The following GNRHR variants were observed in gnomAD, a reference collection of about 807,000 sequenced individuals.
GNRHR encodes gonadotropin-releasing hormone receptor.
A neutral mutation model predicts 28.1 loss-of-function variants in GNRHR; 14 were observed. The ratio of observed to expected loss-of-function variants is 0.50; its 90% confidence interval spans 0.33 to 0.78. The LOEUF (loss-of-function observed/expected upper bound fraction) is 0.78. Among genes scored for constraint, GNRHR ranks in the 30% least tolerant of loss-of-function variants. The probability of loss-of-function intolerance (pLI) is 0.02; values close to 1 mark genes in which losing one functional copy is unlikely to be tolerated. For synonymous variants in GNRHR, 141 were observed against 140.5 expected, an observed-to-expected ratio of 1.00 and a Z score of -0.02; for missense variants, 366 against 382.1, an observed-to-expected ratio of 0.96 and a Z score of 0.35.
At chr4:67,744,916 T>C in intron 1 of GNRHR, 129 bp from the exon 2 acceptor site, 1 of 612,686 alleles carries the variant, frequency 1.6e-6, no homozygotes. Flanking sequence ...GTTATACTTC[T>C]GACGTTTCTA....
intron 1 of GNRHR, among the ~76,000 whole-genome samples, chr4:67,748,670 A>G (rs1731808146): frequency 6.6e-6 from 1 of 151,840 alleles, no homozygotes; most frequent in South Asian, 2.1e-4. Flanking sequence ...TACATATGTA[A>G]CAAACCTGCA....
Position 67,740,454 on chromosome 4 carries a change from A to G in GNRHR, c.*26T>C, listed in dbSNP as rs772129329. ...GAGATTCATTACCTTACCCTTCTTCATATGACTTCTTGTGTAGTCTATCAA... is the reference window on the plus strand; with the variant it reads ...GAGATTCATTACCTTACCCTTCTTCGTATGACTTCTTGTGTAGTCTATCAA... On this transcript the variant is annotated 3_prime_UTR_variant, in exon 3 of 3. Transcript: ENST00000226413. The G allele has an allele frequency of 1.3e-6, 2 of 1,541,756 alleles. No homozygotes were observed. Among genetic ancestry groups the G allele is most frequent in the Admixed American group, 1.7e-5 (1 of 59,902 alleles).
rs765394872 is a variant in GNRHR at position 67,739,133 on chromosome 4, T to C, written c.*1347A>G. On this transcript the variant is annotated 3_prime_UTR_variant, in exon 3 of 3. Coordinates refer to ENST00000226413, the MANE Select transcript of GNRHR (RefSeq NM_000406.3). Reference sequence around the variant, plus strand: ...GGCTTAATTTCTTTTAAGACTCTTATGTTTTTCACATTAAATGGGTATTAT... The same window carrying C: ...GGCTTAATTTCTTTTAAGACTCTTACGTTTTTCACATTAAATGGGTATTAT... 1.7e-4 allele frequency among the ~76,000 whole-genome samples: 26 copies of C among 152,184 alleles called. No individual in the cohort carries two copies. The highest frequency in any genetic ancestry group is 2.0e-4 in the Admixed American group (3 of 15,266).
At position 67,738,403 on chromosome 4, in the gene GNRHR, A is replaced by C. The variant is rs1731590977; in HGVS notation, c.*2077T>G. 6.6e-6 allele frequency among the ~76,000 whole-genome samples: 1 copy of C among 151,846 alleles called. No homozygotes were observed. Among genetic ancestry groups the C allele is most frequent in the African/African-American group, 2.4e-5 (1 of 41,380 alleles). On this transcript the variant is annotated 3_prime_UTR_variant, in exon 3 of 3. Transcript: ENST00000226413. ...ATATTTTTTGCATGAAATGTAGGTT[A>C]AGAACCCCTGAGTCAAGATTTCGAA...
At chr4:67,752,838 G>GT (rs1421751191) in intron 1 of GNRHR, among the ~76,000 whole-genome samples, 1 of 151,436 alleles carries the variant, frequency 6.6e-6, no homozygotes, top group Non-Finnish European at 1.5e-5. Flanking sequence ...CATCTGGTCA[G>GT]TAAAAAAAAG....
chr4:67,741,524 C>G (rs188889518), intron 2 of GNRHR, among the ~76,000 whole-genome samples: 7 of 152,166 alleles, frequency 4.6e-5, no homozygotes, highest in Admixed American at 3.9e-4. Flanking sequence ...GTGCAAGTAT[C>G]TTTTTCATAT....
intron 1 of GNRHR, among the ~76,000 whole-genome samples, chr4:67,746,693 T>C (rs1056821178): frequency 1.3e-5 from 2 of 152,006 alleles, no homozygotes; most frequent in African/African-American, 4.8e-5. Flanking sequence ...ATGATTCTTT[T>C]CTACCCTACC....
At chr4:67,742,754 A>G (rs1451076025) in intron 2 of GNRHR, among the ~76,000 whole-genome samples, 2 of 152,206 alleles carry the variant, frequency 1.3e-5, no homozygotes, top group Non-Finnish European at 2.9e-5. Flanking sequence ...AGAAATAGTC[A>G]TTCTGAAATT....
chr4:67,739,763 G>C lies in GNRHR; in HGVS notation c.*717C>G, dbSNP rs1303994668. ...CAAACTCCACAGACTAGATAGCTTA[G>C]AGGAATGTTCTAAACCCCTGTCCAA... On this transcript the variant is annotated 3_prime_UTR_variant, in exon 3 of 3. Transcript: ENST00000226413. The C allele has an allele frequency of 6.6e-6, 1 of 151,942 alleles. No individual in the cohort carries two copies. The highest frequency in any genetic ancestry group is 6.6e-5 in the Admixed American group (1 of 15,232). 9.4% of individuals were successfully genotyped at this position (151,942 alleles called of 1,614,324 possible).
Position 67,743,715 on chromosome 4 carries a change from G to A in GNRHR, c.742+853C>T, listed in dbSNP as rs77171191. Among the ~76,000 whole-genome samples, 885 of 151,884 alleles carry A rather than the reference G, an allele frequency of 5.8e-3. 14 individuals carry two copies. The highest frequency in any genetic ancestry group is 0.02 in the African/African-American group (828 of 41,388). On this transcript the variant is annotated intron_variant, in intron 2 of 2. Transcript: ENST00000226413. Reference sequence around the variant, plus strand: ...TTTCCCTCTACCCTTCTTAGATATCGCTTATAAAATGGAATCTCTCGAGAT... The same window carrying A: ...TTTCCCTCTACCCTTCTTAGATATCACTTATAAAATGGAATCTCTCGAGAT...
At chr4:67,746,145 C>A (rs1370570758) in intron 1 of GNRHR, among the ~76,000 whole-genome samples, 1 of 151,772 alleles carries the variant, frequency 6.6e-6, no homozygotes, top group Non-Finnish European at 1.5e-5. Flanking sequence ...TGTGAGAGGC[C>A]TTAAACACAC....
intron 1 of GNRHR, chr4:67,751,558 G>T (rs1731865987): frequency 6.6e-6 from 1 of 152,092 alleles, no homozygotes; most frequent in African/African-American, 2.4e-5. Context: ...ACAATTCAAA[G>T]TTAAGTTCCT....
At chr4:67,745,200 A>G (rs1731733096) in intron 1 of GNRHR, among the ~76,000 whole-genome samples, 1 of 152,106 alleles carries the variant, frequency 6.6e-6, no homozygotes, top group African/African-American at 2.4e-5. Context: ...TTTTAGAGAC[A>G]GAAGCCCTAT....
chr4:67,745,680 G>A (rs1393616954), intron 1 of GNRHR, among the ~76,000 whole-genome samples: 1 of 152,108 alleles, frequency 6.6e-6, no homozygotes. Context: ...CTTATTCATT[G>A]TAAGGAATAC....
intron 2 of GNRHR, among the ~76,000 whole-genome samples, chr4:67,741,937 G>A (rs932729967): frequency 6.6e-6 from 1 of 152,170 alleles, no homozygotes; most frequent in African/African-American, 2.4e-5. Flanking sequence ...GTTCTTTGTA[G>A]ATTCTGGGTA....
chr4:67,751,279 T>G (rs903102357), intron 1 of GNRHR, among the ~76,000 whole-genome samples: 2 of 152,216 alleles, frequency 1.3e-5, no homozygotes, highest in Non-Finnish European at 2.9e-5. Flanking sequence ...TGAATGCCAT[T>G]GTCTTCATAG....
chr4:67,741,421 A>G (rs1468181426), intron 2 of GNRHR, among the ~76,000 whole-genome samples: 1 of 152,118 alleles, frequency 6.6e-6, no homozygotes, highest in African/African-American at 2.4e-5. Flanking sequence ...TAGTACATAT[A>G]TACCACATTT....
At chr4:67,753,462 A>G (rs1731906804) in intron 1 of GNRHR, among the ~76,000 whole-genome samples, 1 of 152,202 alleles carries the variant, frequency 6.6e-6, no homozygotes, top group Admixed American at 6.5e-5. Context: ...AAACAGATAA[A>G]AGAATAGGAT....
intron 1 of GNRHR, 119 bp from the exon 2 acceptor site, chr4:67,744,906 G>C: frequency 1.6e-6 from 1 of 640,412 alleles, no homozygotes. Flanking sequence ...GCTCCTTAGT[G>C]TTATACTTCT....
Sources: allele counts gnomAD v4.1 joint callset (sites outside exome capture counted in the v4.1 genomes callset), GRCh38; gene constraint gnomAD v4.1.1; transcripts MANE v1.5; gene names NCBI Gene and HGNC (gene_info 2026-07-23, HGNC 2026-07-21).